Variants in DCC observed in about 807,000 individuals in gnomAD.
DCC encodes the protein netrin receptor DCC.
Under a neutral mutation model 172.5 loss-of-function variants are expected in DCC, and 58 were observed. The ratio of observed to expected loss-of-function variants is 0.34; its 90% confidence interval spans 0.27 to 0.42. DCC has a LOEUF of 0.42. DCC is among the 10% of genes least tolerant of loss of function. The probability of loss-of-function intolerance (pLI) is 1.00; values close to 1 mark genes in which losing one functional copy is unlikely to be tolerated. For missense variants in DCC, 1,740 were observed against 1,791.0 expected (o/e 0.97, Z 0.51); for synonymous variants, 709 against 644.5 (o/e 1.10, Z -1.52).
chr18:53,517,087 G>GCACATATACACCATGGAATACTATGCAGC (rs2144573003), intron 27 of DCC, among the ~76,000 whole-genome samples: 1 of 141,966 alleles, frequency 7.0e-6, no homozygotes, highest in South Asian at 2.4e-4. Flanking sequence ...AGAAAATGTG[G>GCACATATACACCATGGAATACTATGCAGC]CACATATACA....
intron 1 of DCC, among the ~76,000 whole-genome samples, chr18:52,550,116 C>A (rs998183576): frequency 1.3e-5 from 2 of 151,940 alleles, no homozygotes; most frequent in African/African-American, 4.8e-5. Context: ...GAGAATGACA[C>A]TTTACCTCTG....
At chr18:52,342,388 C>G (rs578188910) in intron 1 of DCC, among the ~76,000 whole-genome samples, 3 of 150,956 alleles carry the variant, frequency 2.0e-5, no homozygotes, top group African/African-American at 4.9e-5. Flanking sequence ...CCTCCCGGGC[C>G]GGTCCCCTCC....
chr18:53,461,656 C>T (rs2045560985), intron 24 of DCC, among the ~76,000 whole-genome samples: 1 of 152,180 alleles, frequency 6.6e-6, no homozygotes, highest in Non-Finnish European at 1.5e-5. Flanking sequence ...TTTTACTGTA[C>T]TCTGTCATCT....
intron 17 of DCC, among the ~76,000 whole-genome samples, chr18:53,393,468 G>A (rs1302520957): frequency 6.6e-6 from 1 of 152,050 alleles, no homozygotes; most frequent in Non-Finnish European, 1.5e-5. Flanking sequence ...AGATTCAGCA[G>A]AACTATAAAT....
At chr18:52,545,715 T>C (rs2032592587) in intron 1 of DCC, among the ~76,000 whole-genome samples, 1 of 152,176 alleles carries the variant, frequency 6.6e-6, no homozygotes, top group South Asian at 2.1e-4. Flanking sequence ...TATAAACAGC[T>C]TCATGGGAAG....
intron 12 of DCC, among the ~76,000 whole-genome samples, chr18:53,251,911 A>T (rs995301877): frequency 6.6e-6 from 1 of 151,850 alleles, no homozygotes; most frequent in African/African-American, 2.4e-5. Flanking sequence ...CAAAACACTG[A>T]CTATTTCCAG....
At chr18:53,467,044 A>G (rs1265632155) in intron 24 of DCC, among the ~76,000 whole-genome samples, 4 of 152,194 alleles carry the variant, frequency 2.6e-5, no homozygotes, top group African/African-American at 9.6e-5. Context: ...AATAGTAAGT[A>G]CCCAAAATAG....
chr18:53,023,389 T>C (rs1265964816), intron 5 of DCC, among the ~76,000 whole-genome samples: 1 of 78,288 alleles, frequency 1.3e-5, no homozygotes, highest in Non-Finnish European at 2.5e-5. Context: ...CAAACACATA[T>C]ATAACTCAGA....
intron 1 of DCC, among the ~76,000 whole-genome samples, chr18:52,591,927 G>A (rs1426024299): frequency 1.3e-5 from 2 of 151,684 alleles, no homozygotes; most frequent in South Asian, 2.1e-4. Context: ...CAGGATTACC[G>A]GTGTAAGCTT....
chr18:52,783,321 C>CTTTTTTTTTTT (rs1568100450), intron 2 of DCC, among the ~76,000 whole-genome samples: 1 of 62,122 alleles, frequency 1.6e-5, no homozygotes, highest in Non-Finnish European at 3.0e-5. Flanking sequence ...TATACTACTA[C>CTTTTTTTTTTT]TCTTTTTTTT....
chr18:52,829,466 T>A (rs1054249579), intron 2 of DCC, among the ~76,000 whole-genome samples: 10 of 152,204 alleles, frequency 6.6e-5, no homozygotes, highest in Non-Finnish European at 1.5e-4. Context: ...TACACATCTG[T>A]AAATTTGTGA....
chr18:53,418,359 C>T (rs952715134), intron 21 of DCC, among the ~76,000 whole-genome samples: 1 of 151,932 alleles, frequency 6.6e-6, no homozygotes, highest in Non-Finnish European at 1.5e-5. Flanking sequence ...TGAGAAATAA[C>T]CCAGATTAAA....
Position 52,696,785 on chromosome 18 carries a change from G to A in DCC, c.92-55269G>A, listed in dbSNP as rs2036018279. Among the ~76,000 whole-genome samples, 3 of 152,212 alleles carry A rather than the reference G, an allele frequency of 2.0e-5. No individual in the cohort carries two copies. The South Asian group carries it at 6.2e-4, about 32-fold the overall frequency. The stretch of plus-strand genomic sequence containing the variant: ...AGATCAGGTACAATGACAACATCAA[G>A]TTATGAGAGCCTGGAATCGAAGGCT... On this transcript the variant is annotated intron_variant, in intron 1 of 28. Transcript: ENST00000442544.
At chr18:52,418,923 C>T (rs28367140) in intron 1 of DCC, among the ~76,000 whole-genome samples, 60 of 140,608 alleles carry the variant, frequency 4.3e-4, no homozygotes, top group African/African-American at 1.4e-3. Flanking sequence ...TATAGTGACG[C>T]GATCTCGGAT....
chr18:52,691,668 T>G (rs2145012820), intron 1 of DCC, among the ~76,000 whole-genome samples: 1 of 152,260 alleles, frequency 6.6e-6, no homozygotes. Context: ...TGACCTAGTT[T>G]TAACTTAATT....
intron 1 of DCC, among the ~76,000 whole-genome samples, chr18:52,608,253 G>C (rs1330529930): frequency 2.0e-5 from 3 of 152,142 alleles, no homozygotes; most frequent in African/African-American, 7.2e-5. Flanking sequence ...CATCATGTAT[G>C]TGCAAAGCAA....
intron 2 of DCC, among the ~76,000 whole-genome samples, chr18:52,848,679 C>A (rs1301808435): frequency 1.3e-5 from 2 of 152,110 alleles, no homozygotes; most frequent in African/African-American, 4.8e-5. Context: ...TGTAGTCAGG[C>A]TCTGACTTTA....
chr18:52,510,410 C>G (rs1268549026), intron 1 of DCC, among the ~76,000 whole-genome samples: 1 of 152,154 alleles, frequency 6.6e-6, no homozygotes, highest in East Asian at 1.9e-4. Context: ...GGTAGATTTG[C>G]GATCTTGGAT....
intron 1 of DCC, among the ~76,000 whole-genome samples, chr18:52,598,940 C>G (rs1010223241): frequency 6.6e-6 from 1 of 152,068 alleles, no homozygotes; most frequent in Non-Finnish European, 1.5e-5. Context: ...AAACAAACTT[C>G]CTCTATCAAG....
Sources: gnomAD v4.1 joint callset for allele counts (sites outside exome capture counted in the v4.1 genomes callset) on GRCh38, gnomAD v4.1.1 for gene constraint, MANE v1.5 for transcripts, NCBI Gene and HGNC (gene_info 2026-07-23, HGNC 2026-07-21) for gene names.